FANCL: variants seen among roughly 807,000 people sequenced by gnomAD.
FANCL encodes FA complementation group L, also known as E3 ubiquitin-protein ligase FANCL.
In FANCL, 69 loss-of-function variants were observed where a neutral mutation model predicts 59.4. The observed-to-expected ratio is 1.16, with a 90% CI of 0.96 to 1.42. FANCL has a LOEUF of 1.42. Among genes scored for constraint, FANCL ranks in the 40% most tolerant of loss-of-function variants. The probability of loss-of-function intolerance (pLI) is 0.00; values close to 1 mark genes in which losing one functional copy is unlikely to be tolerated. For missense variants in FANCL, 519 were observed against 447.2 expected (o/e 1.16, Z -1.45); for synonymous variants, 180 against 147.1 (o/e 1.22, Z -1.62).
Position 58,226,711 on chromosome 2 carries a change from A to G in FANCL, c.273+17T>C. The G allele has an allele frequency of 6.2e-7, 1 of 1,609,404 alleles. No individual in the cohort carries two copies. The highest frequency in any genetic ancestry group is 2.2e-5 in the East Asian group (1 of 44,744). ...TTGCAGTATGGTAACAGTGTCAGAA[A>G]AAAAAAAAATTCTTACCAAAAGCAT... On this transcript the variant is annotated intron_variant, in intron 4 of 13. Transcript: ENST00000233741.
intron 1 of FANCL, among the ~76,000 whole-genome samples, chr2:58,234,402 G>A (rs1395480095): frequency 6.6e-6 from 1 of 151,474 alleles, no homozygotes; most frequent in South Asian, 2.1e-4. Flanking sequence ...AGAGTCCAAG[G>A]AAGAACAAAA....
chr2:58,230,875 A>C (rs1261330925), intron 2 of FANCL, among the ~76,000 whole-genome samples: 2 of 152,168 alleles, frequency 1.3e-5, no homozygotes, highest in Non-Finnish European at 2.9e-5. Context: ...GCTCAAATAT[A>C]TATCTTTAAA....
intron 7 of FANCL, among the ~76,000 whole-genome samples, chr2:58,180,227 T>C (rs922599961): frequency 1.3e-5 from 2 of 152,262 alleles, no homozygotes; most frequent in African/African-American, 4.8e-5. Context: ...ATGGGGTATA[T>C]ACCCAAAGAA....
At chr2:58,183,832 G>A (rs1391710356) in intron 7 of FANCL, among the ~76,000 whole-genome samples, 2 of 151,870 alleles carry the variant, frequency 1.3e-5, no homozygotes, top group Non-Finnish European at 2.9e-5. Flanking sequence ...CCATGTACAG[G>A]ACTACGTTGG....
At chr2:58,215,401 C>G (rs1449309391) in intron 5 of FANCL, among the ~76,000 whole-genome samples, 1 of 152,184 alleles carries the variant, frequency 6.6e-6, no homozygotes, top group East Asian at 1.9e-4. Flanking sequence ...ATATAGTACA[C>G]TTACAATTAT....
intron 5 of FANCL, 79 bp downstream of exon 5, chr2:58,221,863 A>C: frequency 3.0e-6 from 3 of 1,008,940 alleles, no homozygotes. Context: ...AATCAGGTAT[A>C]AACTGCTAAA....
At chr2:58,221,157 C>G (rs533377225) in intron 5 of FANCL, among the ~76,000 whole-genome samples, 2 of 151,390 alleles carry the variant, frequency 1.3e-5, no homozygotes, top group Admixed American at 6.6e-5. Flanking sequence ...AGCTTGCAAT[C>G]AGCCTAGGCA....
intron 3 of FANCL, among the ~76,000 whole-genome samples, chr2:58,228,939 A>G (rs1665699095): frequency 6.6e-6 from 1 of 152,218 alleles, no homozygotes; most frequent in Non-Finnish European, 1.5e-5. Flanking sequence ...TTAGTGTACA[A>G]TATAAATAGT....
intron 1 of FANCL, among the ~76,000 whole-genome samples, chr2:58,238,156 A>AT (rs1171434395): frequency 9.2e-5 from 14 of 152,066 alleles, no homozygotes; most frequent in African/African-American, 2.9e-4. Flanking sequence ...ACATTATGGG[A>AT]TTTTTTGTGA....
intron 5 of FANCL, among the ~76,000 whole-genome samples, chr2:58,217,571 T>C (rs1029920178): frequency 2.0e-5 from 3 of 151,886 alleles, no homozygotes; most frequent in African/African-American, 7.3e-5. Flanking sequence ...AAGTAGACAT[T>C]AAGACAAGAA....
At chr2:58,183,360 G>T (rs1284445944) in intron 7 of FANCL, among the ~76,000 whole-genome samples, 2 of 150,560 alleles carry the variant, frequency 1.3e-5, no homozygotes, top group African/African-American at 4.9e-5. Context: ...GTGTAGGTCT[G>T]AATTCTCCAA....
intron 7 of FANCL, among the ~76,000 whole-genome samples, chr2:58,171,309 G>A (rs1243951752): frequency 6.6e-6 from 1 of 152,130 alleles, no homozygotes; most frequent in Non-Finnish European, 1.5e-5. Flanking sequence ...AAATAAATAA[G>A]TTTTTTGAAA....
chr2:58,239,907 T>C (rs559181672), intron 1 of FANCL, among the ~76,000 whole-genome samples: 1 of 152,268 alleles, frequency 6.6e-6, no homozygotes, highest in African/African-American at 2.4e-5. Context: ...ATATACAAAA[T>C]ATTTTTAGAC....
At chr2:58,174,250 A>G (rs1687020622) in intron 7 of FANCL, among the ~76,000 whole-genome samples, 2 of 152,210 alleles carry the variant, frequency 1.3e-5, no homozygotes, top group Admixed American at 6.5e-5. Flanking sequence ...GTTAACAAGG[A>G]TACCCAGGAA....
intron 5 of FANCL, among the ~76,000 whole-genome samples, chr2:58,206,852 A>G (rs576093750): frequency 6.6e-6 from 1 of 152,308 alleles, no homozygotes; most frequent in African/African-American, 2.4e-5. Context: ...CATTTTACCC[A>G]TGCTGCTTCC....
intron 7 of FANCL, among the ~76,000 whole-genome samples, chr2:58,171,975 G>A (rs1426049423): frequency 1.3e-5 from 2 of 152,216 alleles, no homozygotes; most frequent in African/African-American, 4.8e-5. Flanking sequence ...AGAGTCCTAC[G>A]CCCACGGAGC....
chr2:58,240,509 G>C (rs913633407), intron 1 of FANCL, among the ~76,000 whole-genome samples: 6 of 152,182 alleles, frequency 3.9e-5, no homozygotes, highest in Non-Finnish European at 1.5e-5. Context: ...CCCATACCTT[G>C]ATTTCTTCAA....
At chr2:58,211,978 C>G (rs1573730603) in intron 5 of FANCL, among the ~76,000 whole-genome samples, 1 of 152,344 alleles carries the variant, frequency 6.6e-6, no homozygotes, top group East Asian at 1.9e-4. Flanking sequence ...CCGTTCCAAC[C>G]TCTGCCTGCT....
In FANCL at chr2:58,171,799, G is replaced by A. The variant is rs937092258; in HGVS notation, c.541-5925C>T. On this transcript the variant is annotated intron_variant, in intron 7 of 13. Coordinates refer to ENST00000233741, the MANE Select transcript of FANCL (RefSeq NM_018062.4). ...CACCATGCGCGAGCAGAAGCAGGAC[G>A]AGGCACTGCCTCCCTCGGGAAGTGC... is the stretch of plus-strand genomic sequence containing the variant. 2.6e-5 allele frequency among the ~76,000 whole-genome samples: 4 copies of A among 152,186 alleles called. 1 individual carries two copies. Among genetic ancestry groups the A allele is most frequent in the African/African-American group, 7.2e-5 (3 of 41,440 alleles).
Sources: gnomAD v4.1 joint callset for allele counts (sites outside exome capture counted in the v4.1 genomes callset) on GRCh38, gnomAD v4.1.1 for gene constraint, MANE v1.5 for transcripts, NCBI Gene and HGNC (gene_info 2026-07-23, HGNC 2026-07-21) for gene names.